Variants in MYBPC1 observed in about 807,000 individuals in gnomAD.
MYBPC1 encodes the protein myosin binding protein C1, also known as myosin-binding protein C, slow-type.
MYBPC1 carries 52 observed loss-of-function variants against 147.1 expected under a neutral mutation model. The ratio of observed to expected loss-of-function variants is 0.35; its 90% confidence interval spans 0.28 to 0.45. The LOEUF is 0.45. Ranked by LOEUF, MYBPC1 falls within the 20% of genes least tolerant of loss-of-function variation. The pLI is 1.00. For synonymous variants in MYBPC1, 477 were observed against 475.9 expected (o/e 1.00, Z -0.03); for missense variants, 1,228 against 1,440.3 (o/e 0.85, Z 2.39).
intron 23 of MYBPC1, among the ~76,000 whole-genome samples, chr12:101,668,629 T>A (rs1382216852): frequency 9.2e-5 from 14 of 151,984 alleles, no homozygotes; most frequent in Admixed American, 9.2e-4. Flanking sequence ...CCTGGCTAAT[T>A]TTTTTGGTAT....
At chr12:101,635,644 C>T (rs1241246809) in intron 9 of MYBPC1, among the ~76,000 whole-genome samples, 1 of 152,112 alleles carries the variant, frequency 6.6e-6, no homozygotes, top group Non-Finnish European at 1.5e-5. Flanking sequence ...GAGAGGGAAA[C>T]ATGATCTACT....
intron 27 of MYBPC1, among the ~76,000 whole-genome samples, 168 bp from the exon 28 acceptor site, chr12:101,677,934 G>T (rs1566011986): frequency 6.6e-6 from 1 of 152,154 alleles, no homozygotes; most frequent in African/African-American, 2.4e-5. Flanking sequence ...CGTGTGATTG[G>T]CTATACGTTT....
the MYBPC1 span, among the ~76,000 whole-genome samples, chr12:101,693,483 G>A: frequency 2.0e-5 from 3 of 152,132 alleles, no homozygotes; most frequent in African/African-American, 7.2e-5. Flanking sequence ...GCTCACACCT[G>A]TAGTCCCAGC....
chr12:101,629,613 CTGTA>C, intron 6 of MYBPC1, 69 bp downstream of exon 6: 2 of 1,126,104 alleles, frequency 1.8e-6, no homozygotes, highest in Non-Finnish European at 2.6e-6. Flanking sequence ...TGCCTCACGC[CTGTA>C]ATCCCAGCAC....
chr12:101,624,548 C>T (rs567152667), intron 3 of MYBPC1, among the ~76,000 whole-genome samples: 8 of 152,052 alleles, frequency 5.3e-5, no homozygotes, highest in East Asian at 3.9e-4. Context: ...AGTACAGTGG[C>T]GTGATGATGG....
intron 5 of MYBPC1, among the ~76,000 whole-genome samples, chr12:101,628,626 G>A (rs1271879571): frequency 6.6e-6 from 1 of 152,146 alleles, no homozygotes; most frequent in Non-Finnish European, 1.5e-5. Context: ...CCTGAACTCT[G>A]CATTCGGCTC....
At chr12:101,647,995 G>T (rs774581325) in intron 13 of MYBPC1, 50 bp from the exon 14 acceptor site, 1 of 1,448,590 alleles carries the variant, frequency 6.9e-7, no homozygotes. Flanking sequence ...GGGCTCATGG[G>T]ATAGGCTTTG....
chr12:101,622,140 GA>G (rs1269880273), intron 3 of MYBPC1, among the ~76,000 whole-genome samples: 2 of 152,028 alleles, frequency 1.3e-5, no homozygotes, highest in African/African-American at 4.8e-5. Flanking sequence ...CGTTTAGATA[GA>G]AAAAAATGAA....
chr12:101,639,057 A>G (rs2136144731), intron 10 of MYBPC1, among the ~76,000 whole-genome samples: 1 of 152,322 alleles, frequency 6.6e-6, no homozygotes, highest in South Asian at 2.1e-4. Flanking sequence ...ACATCTCTGT[A>G]CAACGAAAGA....
At chr12:101,614,219 C>G (rs567249030) in intron 1 of MYBPC1, among the ~76,000 whole-genome samples, 17 of 152,152 alleles carry the variant, frequency 1.1e-4, no homozygotes, top group Non-Finnish European at 2.1e-4. Flanking sequence ...CTACCTTTAT[C>G]TTTCCATCAC....
intron 18 of MYBPC1, among the ~76,000 whole-genome samples, chr12:101,656,708 T>C (rs1029386039): frequency 5.9e-5 from 9 of 152,104 alleles, no homozygotes; most frequent in Non-Finnish European, 1.5e-5. Flanking sequence ...AGACAAAAAC[T>C]GATAGAACGG....
chr12:101,652,928 T>A, intron 17 of MYBPC1, 144 bp downstream of exon 17: 1 of 1,070,108 alleles, frequency 9.3e-7, no homozygotes, highest in Non-Finnish European at 1.4e-6. Flanking sequence ...GAAAGATTGG[T>A]GACTTATACC....
intron 1 of MYBPC1, among the ~76,000 whole-genome samples, chr12:101,598,398 T>C (rs1878348873): frequency 6.6e-6 from 1 of 152,038 alleles, no homozygotes; most frequent in African/African-American, 2.4e-5. Context: ...ACAATTGCAA[T>C]AGCCTTTCTT....
intron 19 of MYBPC1, among the ~76,000 whole-genome samples, chr12:101,660,872 T>C (rs1004077607): frequency 7.2e-5 from 11 of 152,096 alleles, no homozygotes; most frequent in African/African-American, 2.7e-4. Context: ...CCCTTGAGAC[T>C]TACTCACTAC....
At chr12:101,600,331 C>T (rs1433037774) in intron 1 of MYBPC1, 2 of 151,652 alleles carry the variant, frequency 1.3e-5, no homozygotes, top group Admixed American at 6.6e-5. Flanking sequence ...TGTATACACA[C>T]ACAATTCATA....
intron 1 of MYBPC1, among the ~76,000 whole-genome samples, chr12:101,604,691 T>A (rs949613614): frequency 6.6e-6 from 1 of 152,222 alleles, no homozygotes; most frequent in African/African-American, 2.4e-5. Flanking sequence ...TTATTTGCTC[T>A]TTTGAAAAAT....
chr12:101,613,399 G>C (rs1390034920), intron 1 of MYBPC1, among the ~76,000 whole-genome samples: 1 of 152,142 alleles, frequency 6.6e-6, no homozygotes. Flanking sequence ...AAGGCTCCCA[G>C]GATTCCACAA....
At position 101,684,483 on chromosome 12, in the gene MYBPC1, C is replaced by T. The variant is rs536666448; in HGVS notation, c.*19+59C>T. ...TATGACTGTCATAAGCCATACCAAG[C>T]CTGTGGAGTATGGCATGATTTTCAT... On this transcript the variant is annotated intron_variant, in intron 31 of 31. Coordinates refer to ENST00000361466, the MANE Select transcript of MYBPC1 (RefSeq NM_002465.4). 25 of 1,297,058 alleles carry T rather than the reference C, an allele frequency of 1.9e-5. No homozygotes were observed. In the African/African-American group the frequency reaches 2.8e-4, roughly 14 times the overall value. 80.3% of individuals were successfully genotyped at this position (1,297,058 alleles called of 1,614,324 possible).
Position 101,662,434 on chromosome 12 carries a change from T to C in MYBPC1, c.2109T>C (p.Thr703=). 6.2e-7 allele frequency: 1 copy of C among 1,614,258 alleles called. No homozygotes were observed. Among genetic ancestry groups the C allele is most frequent in the Non-Finnish European group, 8.5e-7 (1 of 1,180,046 alleles). ...ATTTTGATCTCTGCAAAGAAACAAC[T>C]TTTGAGCCCAAGAAGATGATTGAAG... is the stretch of plus-strand genomic sequence containing the variant. The part of the protein sequence containing the change: ...RLNFDLCKET[T]FEPKKMIEGV... The change falls in exon 21 of 32, where the codon ACT becomes ACC. Residue 703 remains threonine, a synonymous_variant. Transcript: ENST00000361466.
Sources: allele counts gnomAD v4.1 joint callset (sites outside exome capture counted in the v4.1 genomes callset), GRCh38; gene constraint gnomAD v4.1.1; transcripts MANE v1.5; gene names NCBI Gene and HGNC (gene_info 2026-07-23, HGNC 2026-07-21).